The following PCDHGA4 variants were observed in gnomAD, a reference collection of about 807,000 sequenced individuals.
PCDHGA4 encodes the protein protocadherin gamma-A4.
A neutral mutation model predicts 54.6 loss-of-function variants in PCDHGA4; 38 were observed. The observed-to-expected ratio is 0.70, with a 90% CI of 0.54 to 0.91. The LOEUF (loss-of-function observed/expected upper bound fraction) is 0.91. Among genes scored for constraint, PCDHGA4 ranks in the 40% least tolerant of loss-of-function variants. PCDHGA4 has a pLI of 0.00. For synonymous variants in PCDHGA4, 511 were observed against 512.9 expected (o/e 1.00, Z 0.05); for missense variants, 1,298 against 1,220.9 (o/e 1.06, Z -0.94).
intron 3 of PCDHGA4, among the ~76,000 whole-genome samples, chr5:141,506,866 T>C (rs1182560001): frequency 2.6e-5 from 4 of 152,104 alleles, no homozygotes; most frequent in Admixed American, 2.6e-4. Context: ...GACTGGTGGG[T>C]AGAGAACCAG....
intron 1 of PCDHGA4, among the ~76,000 whole-genome samples, chr5:141,425,482 C>T (rs1257043728): frequency 6.6e-6 from 1 of 152,192 alleles, no homozygotes; most frequent in Non-Finnish European, 1.5e-5. Context: ...CCTATGGCAA[C>T]CTACTAGGCT....
At chr5:141,418,742 G>GA in intron 1 of PCDHGA4, 1 of 1,613,896 alleles carries the variant, frequency 6.2e-7, no homozygotes, top group Non-Finnish European at 8.5e-7. Flanking sequence ...GTTCTCTCTG[G>GA]ATTACACTAC....
intron 1 of PCDHGA4, chr5:141,366,082 T>C (rs1228073481): frequency 1.2e-6 from 2 of 1,614,246 alleles, no homozygotes; most frequent in East Asian, 2.2e-5. Context: ...CCGCAGAACC[T>C]GGCTACCTGG....
At chr5:141,500,822 T>A (rs1377955680) in intron 2 of PCDHGA4, among the ~76,000 whole-genome samples, 1 of 152,240 alleles carries the variant, frequency 6.6e-6, no homozygotes, top group African/African-American at 2.4e-5. Context: ...TACATATTAT[T>A]TTTCTAATGC....
intron 1 of PCDHGA4, chr5:141,404,668 T>C: frequency 6.2e-7 from 1 of 1,614,148 alleles, no homozygotes; most frequent in Non-Finnish European, 8.5e-7. Flanking sequence ...CTGATGGTTC[T>C]ACTGGTGTGG....
intron 1 of PCDHGA4, chr5:141,384,104 A>C: frequency 1.2e-6 from 2 of 1,601,040 alleles, no homozygotes; most frequent in Non-Finnish European, 8.5e-7. Context: ...GATAATTATT[A>C]TAGATTGGTC....
intron 1 of PCDHGA4, chr5:141,393,960 G>A (rs2092885452): frequency 4.3e-6 from 7 of 1,613,944 alleles, no homozygotes; most frequent in Non-Finnish European, 5.1e-6. Context: ...TGGTCAAGTT[G>A]TCTGTTACAC....
intron 1 of PCDHGA4, among the ~76,000 whole-genome samples, chr5:141,451,830 G>A (rs940668278): frequency 6.6e-5 from 10 of 151,238 alleles, no homozygotes; most frequent in East Asian, 1.9e-4. Flanking sequence ...ACAGTGAGCC[G>A]AGATCACACC....
rs200016406 is a variant in PCDHGA4 at position 141,383,092 on chromosome 5, C to T, written c.2514+25471C>T. The T allele has an allele frequency of 3.1e-4, 507 of 1,613,932 alleles. 2 individuals are homozygous for T. Among genetic ancestry groups the T allele is most frequent in the Middle Eastern group, 1.7e-3 (10 of 6,060 alleles). The stretch of plus-strand genomic sequence containing the variant: ...CCGGGAGCTGGCGGAGCGCGGAGTC[C>T]GCATCATCTCCAGAGGTAGGACGCA... On this transcript the variant is annotated intron_variant, in intron 1 of 3. Coordinates refer to ENST00000571252, the MANE Select transcript of PCDHGA4 (RefSeq NM_018917.4).
intron 1 of PCDHGA4, among the ~76,000 whole-genome samples, chr5:141,405,721 A>G (rs1295046106): frequency 1.3e-5 from 2 of 151,702 alleles, no homozygotes; most frequent in African/African-American, 4.8e-5. Context: ...CAAGTGATCC[A>G]CCCACCTCAG....
chr5:141,413,166 C>A (rs758193163), intron 1 of PCDHGA4: 3 of 1,590,396 alleles, frequency 1.9e-6, no homozygotes, highest in South Asian at 2.3e-5. Flanking sequence ...AATTCTGTAA[C>A]CAGACTACAA....
chr5:141,384,384 C>A (rs142665639), intron 1 of PCDHGA4: 102 of 1,613,934 alleles, frequency 6.3e-5, no homozygotes, highest in Non-Finnish European at 8.3e-5. Context: ...CCGAAGACAC[C>A]ATCCAGGGGG....
intron 1 of PCDHGA4, chr5:141,371,293 A>T (rs748951789): frequency 1.2e-6 from 2 of 1,614,006 alleles, no homozygotes; most frequent in Non-Finnish European, 1.7e-6. Context: ...AAAACGGGGG[A>T]ACTCACCACT....
chr5:141,394,850 G>C, intron 1 of PCDHGA4: 1 of 1,613,820 alleles, frequency 6.2e-7, no homozygotes, highest in Non-Finnish European at 8.5e-7. Flanking sequence ...GCAGTCTGAA[G>C]CCTTCGGTCG....
chr5:141,510,814 CT>C, intron 3 of PCDHGA4, 132 bp from the exon 4 acceptor site: 1 of 1,544,688 alleles, frequency 6.5e-7, no homozygotes, highest in Non-Finnish European at 8.8e-7. Context: ...TTGGTGACCC[CT>C]ATATTCCCAG....
intron 1 of PCDHGA4, chr5:141,389,331 G>C (rs1212558688): frequency 6.2e-7 from 1 of 1,613,868 alleles, no homozygotes; most frequent in Non-Finnish European, 8.5e-7. Flanking sequence ...GGGGCCCAAC[G>C]GCCAAGTCTC....
chr5:141,390,124 C>T (rs369369148), intron 1 of PCDHGA4: 24 of 1,613,924 alleles, frequency 1.5e-5, no homozygotes, highest in Non-Finnish European at 1.9e-5. Context: ...GGGACTTTGC[C>T]TTATTCCTAC....
Position 141,421,691 on chromosome 5 carries a change from T to A in PCDHGA4, c.2514+64070T>A, listed in dbSNP as rs1175919580. ...GCAATTCCTGGGGCGCGATTTGCTC[T>A]TCCTAATGCTAGGGATCCAGATGTG... On this transcript the variant is annotated intron_variant, in intron 1 of 3. Coordinates refer to ENST00000571252, the MANE Select transcript of PCDHGA4 (RefSeq NM_018917.4). 6.2e-7 allele frequency: 1 copy of A among 1,613,816 alleles called. No individual in the cohort carries two copies. The highest frequency in any genetic ancestry group is 1.3e-5 in the African/African-American group (1 of 74,938).
At chr5:141,403,616 C>G (rs2094434764) in intron 1 of PCDHGA4, 11 of 1,613,892 alleles carry the variant, frequency 6.8e-6, no homozygotes, top group Non-Finnish European at 9.3e-6. Flanking sequence ...CGAGCCGCGT[C>G]GCTCCAGCAC....
Sources: gnomAD v4.1 joint callset for allele counts (sites outside exome capture counted in the v4.1 genomes callset) on GRCh38, gnomAD v4.1.1 for gene constraint, MANE v1.5 for transcripts, NCBI Gene and HGNC (gene_info 2026-07-23, HGNC 2026-07-21) for gene names.